Variants in COL18A1 observed in about 807,000 individuals in gnomAD.
COL18A1 encodes collagen type XVIII alpha 1 chain.
A neutral mutation model predicts 168.0 loss-of-function variants in COL18A1; 133 were observed. The ratio of observed to expected loss-of-function variants is 0.79; its 90% CI spans 0.69 to 0.91. The LOEUF is 0.91. Ranked by LOEUF, COL18A1 falls within the 40% of genes least tolerant of loss-of-function variation. COL18A1 has a pLI of 0.00. For synonymous variants in COL18A1, 949 were observed against 809.0 expected (o/e 1.17, Z -2.94); for missense variants, 2,126 against 1,925.4 (o/e 1.10, Z -1.95).
intron 18 of COL18A1, among the ~76,000 whole-genome samples, chr21:45,488,922 C>A (rs74324529): frequency 6.6e-6 from 1 of 151,940 alleles, no homozygotes; most frequent in African/African-American, 2.4e-5. Context: ...ACCCAGGCCC[C>A]GAAGCTCCCA....
In COL18A1 at chr21:45,418,278, G is replaced by A. The variant is rs180707946; in HGVS notation, c.106+12805G>A. 3.8e-3 allele frequency among the ~76,000 whole-genome samples: 586 copies of A among 152,342 alleles called. 2 individuals are homozygous for A. Among genetic ancestry groups the A allele is most frequent in the Non-Finnish European group, 6.7e-3 (455 of 68,020 alleles). Reference sequence around the variant, plus strand: ...GTCTGCATCCCGGCCCCCGGCTGCCGAAGTGGTAGGGTGGGCGTGCCCTTC... The same window carrying A: ...GTCTGCATCCCGGCCCCCGGCTGCCAAAGTGGTAGGGTGGGCGTGCCCTTC... On this transcript the variant is annotated intron_variant, in intron 2 of 41. Coordinates refer to ENST00000651438, the MANE Select transcript of COL18A1 (RefSeq NM_001379500.1).
intron 2 of COL18A1, among the ~76,000 whole-genome samples, chr21:45,438,154 A>G (rs796734734): frequency 8.2e-6 from 1 of 121,340 alleles, no homozygotes; most frequent in Admixed American, 7.9e-5. Context: ...ACTCAGACAC[A>G]GGCACTCTCC....
intron 34 of COL18A1, 142 bp from the exon 35 acceptor site, chr21:45,504,992 C>G: frequency 9.5e-7 from 1 of 1,055,304 alleles, no homozygotes; most frequent in Non-Finnish European, 1.4e-6. Flanking sequence ...GTTTCTCAGG[C>G]TATGGCGTGG....
At chr21:45,511,622 T>C (rs757580445) in intron 41 of COL18A1, among the ~76,000 whole-genome samples, 4 of 151,900 alleles carry the variant, frequency 2.6e-5, no homozygotes, top group Non-Finnish European at 5.9e-5. Context: ...GACAGAAATT[T>C]CCAGGGTATC....
At chr21:45,487,084 C>T (rs906437752) in intron 16 of COL18A1, 92 bp downstream of exon 16, 17 of 1,263,038 alleles carry the variant, frequency 1.3e-5, no homozygotes, top group Middle Eastern at 2.8e-4. Context: ...CAGAGCAGCA[C>T]GTCCTGGGCG....
rs190374248 is a variant in COL18A1 at position 45,504,021 on chromosome 21, G to A, written c.2694G>A (p.Pro898=). The A allele has an allele frequency of 2.1e-4, 342 of 1,613,616 alleles. 1 individual carries two copies. The East Asian group carries it at 5.8e-3, about 27-fold the overall frequency. The part of the protein sequence containing the change: ...VGPPGPPGQF[P]FDFLQLEAEM... Reference sequence around the variant, plus strand: ...GTCTCTCTCTTGCAGGGCAGTTTCCGTTTGACTTTCTTCAGTTGGAGGCTG... The same window carrying A: ...GTCTCTCTCTTGCAGGGCAGTTTCCATTTGACTTTCTTCAGTTGGAGGCTG... Residue 898 remains proline, a synonymous_variant, in exon 33 of 42, where the codon CCG becomes CCA. Transcript: ENST00000651438.
At position 45,422,523 on chromosome 21, in the gene COL18A1, C is replaced by A. The variant is rs770992222; in HGVS notation, c.106+17050C>A. On this transcript the variant is annotated intron_variant, in intron 2 of 41. Coordinates refer to ENST00000651438, the MANE Select transcript of COL18A1 (RefSeq NM_001379500.1). ...TTGCGTGGCTGCCTGGCCTGACGCA[C>A]CTCGCGCCGTGCCAGGACCCGGGCA... 63 of 523,278 alleles carry A rather than the reference C, an allele frequency of 1.2e-4. No individual in the cohort carries two copies. In the Middle Eastern group the frequency reaches 1.3e-3, roughly 11 times the overall value. The allele number at this position is 523,278 out of a possible 1,614,324, so 32.4% of individuals were successfully genotyped here. A position where few individuals can be genotyped will look rare whatever the true frequency, so the allele number is the denominator to read the frequency against.
At chr21:45,477,365 GC>G (rs1287121472) in intron 6 of COL18A1, 45 bp from the exon 7 acceptor site, 1 of 1,538,584 alleles carries the variant, frequency 6.5e-7, no homozygotes, top group Non-Finnish European at 8.9e-7. Flanking sequence ...CAGAGCTGGG[GC>G]CACCCGGGGG....
At chr21:45,474,250 A>AGTGTGT (rs540917328) in intron 4 of COL18A1, among the ~76,000 whole-genome samples, 7 of 151,058 alleles carry the variant, frequency 4.6e-5, no homozygotes, top group African/African-American at 1.7e-4. Flanking sequence ...AGCTCAGCAA[A>AGTGTGT]GTGTGTGTGT....
intron 2 of COL18A1, among the ~76,000 whole-genome samples, chr21:45,430,578 T>C (rs2033927608): frequency 6.6e-6 from 1 of 152,118 alleles, no homozygotes; most frequent in Admixed American, 6.5e-5. Context: ...TCATTCTTGG[T>C]GACCCCGGGT....
At chr21:45,437,692 A>G (rs202035954) in intron 2 of COL18A1, among the ~76,000 whole-genome samples, 2 of 61,710 alleles carry the variant, frequency 3.2e-5, no homozygotes, top group Non-Finnish European at 5.8e-5. Flanking sequence ...TCTCCTGCAC[A>G]CACACACACA....
chr21:45,475,118 G>A (rs2035600810), intron 4 of COL18A1, among the ~76,000 whole-genome samples: 1 of 152,352 alleles, frequency 6.6e-6, no homozygotes, highest in Non-Finnish European at 1.5e-5. Flanking sequence ...GTGCGCTGGG[G>A]AAACCTGTGC....
At chr21:45,421,309 G>T in intron 2 of COL18A1, 1 of 430,522 alleles carries the variant, frequency 2.3e-6, no homozygotes. Context: ...TGGGAGGAGG[G>T]CCACGGTCAC....
At chr21:45,495,038 C>G (rs565106242) in intron 28 of COL18A1, 123 bp downstream of exon 28, 1 of 874,016 alleles carries the variant, frequency 1.1e-6, no homozygotes, top group Middle Eastern at 3.3e-4. Flanking sequence ...CTGTCCTCCC[C>G]CAAGAACCGG....
intron 33 of COL18A1, 79 bp downstream of exon 33, chr21:45,504,133 C>G (rs896175759): frequency 6.7e-7 from 1 of 1,501,792 alleles, no homozygotes; most frequent in African/African-American, 1.4e-5. Context: ...ATTTCTCGCC[C>G]CATCCGGCCC....
Position 45,493,549 on chromosome 21 carries a change from C to A in COL18A1, c.2326C>A (p.Leu776Met). 1 of 1,558,116 alleles carries A rather than the reference C, an allele frequency of 6.4e-7. No homozygotes were observed. Among genetic ancestry groups the A allele is most frequent in the Non-Finnish European group, 8.7e-7 (1 of 1,151,734 alleles). ...GSIFSPDGGA[L>M]GPAQKGAKGE... ...CATCTTCAGCCCCGACGGCGGTGCC[C>A]TGGGCCCTGCCCAGAAAGGAGCCAA... is the stretch of plus-strand genomic sequence containing the variant. Residue 776 changes from leucine to methionine, a missense_variant, in exon 26 of 42, where the codon CTG becomes ATG. Coordinates refer to ENST00000651438, the MANE Select transcript of COL18A1 (RefSeq NM_001379500.1).
chr21:45,498,798 C>T lies in COL18A1; in HGVS notation c.2683+1137C>T, dbSNP rs1421346667. ...GGCCCAGCTCATGGGGTCATCGGAC[C>T]CACCTTGAACTCTGAAGGTCACACA... On this transcript the variant is annotated intron_variant, in intron 32 of 41. Coordinates refer to ENST00000651438, the MANE Select transcript of COL18A1 (RefSeq NM_001379500.1). This position sits in a 1 kb window ranked among gnomAD's most constrained non-coding sequence, Gnocchi z 4.5. Among the ~76,000 whole-genome samples, 1 of 152,178 alleles carries T rather than the reference C, an allele frequency of 6.6e-6. No homozygotes were observed. The highest frequency in any genetic ancestry group is 1.5e-5 in the Non-Finnish European group (1 of 68,030).
At chr21:45,494,265 A>ACCCCCCC in intron 26 of COL18A1, 7 of 421,400 alleles carry the variant, frequency 1.7e-5, no homozygotes, top group East Asian at 4.8e-5. Context: ...TCCACCCTCC[A>ACCCCCCC]CCCCTGCTTC....
intron 3 of COL18A1, among the ~76,000 whole-genome samples, chr21:45,472,810 C>A (rs78003394): frequency 1.3e-5 from 2 of 152,048 alleles, no homozygotes; most frequent in East Asian, 1.9e-4. Context: ...CACACCCCCC[C>A]ACGCATGAGC....
Sources: gnomAD v4.1 joint callset for allele counts (sites outside exome capture counted in the v4.1 genomes callset) on GRCh38, gnomAD v4.1.1 for gene constraint, Gnocchi (gnomAD v3.1) non-coding constraint, MANE v1.5 for transcripts, NCBI Gene and HGNC (gene_info 2026-07-23, HGNC 2026-07-21) for gene names.